CLTCL1: variants seen among roughly 807,000 people sequenced by gnomAD.
The protein encoded by CLTCL1 is clathrin heavy chain like 1.
A neutral mutation model predicts 190.0 loss-of-function variants in CLTCL1; 159 were observed. The ratio of observed to expected loss-of-function variants is 0.84; its 90% CI spans 0.74 to 0.95. The LOEUF (loss-of-function observed/expected upper bound fraction) is 0.95, where lower values mean the gene tolerates loss of function less well. Ranked by LOEUF, CLTCL1 falls within the 40% of genes least tolerant of loss-of-function variation. CLTCL1 has a pLI of 0.00. For synonymous variants in CLTCL1, 752 were observed against 769.6 expected (o/e 0.98, Z 0.38); for missense variants, 1,878 against 2,033.4 (o/e 0.92, Z 1.47).
At chr22:19,267,528 T>A (rs925299067) in intron 2 of CLTCL1, among the ~76,000 whole-genome samples, 14 of 152,154 alleles carry the variant, frequency 9.2e-5, no homozygotes, top group African/African-American at 3.4e-4. Context: ...AAACACTAAG[T>A]TGGAGTACCA....
chr22:19,269,603 C>A (rs557673348), intron 2 of CLTCL1, among the ~76,000 whole-genome samples: 113 of 152,200 alleles, frequency 7.4e-4, no homozygotes, highest in African/African-American at 2.3e-3. Flanking sequence ...TATGCAGCCA[C>A]AAAAAGAAAT....
At chr22:19,201,160 C>A (rs1555938985) in intron 23 of CLTCL1, among the ~76,000 whole-genome samples, 169 bp downstream of exon 23, 1 of 152,244 alleles carries the variant, frequency 6.6e-6, no homozygotes, top group Non-Finnish European at 1.5e-5. Flanking sequence ...TTCTCTGGGG[C>A]CTCTGTTCCA....
At chr22:19,187,526 A>T (rs1555928892) in intron 29 of CLTCL1, 32 bp downstream of exon 29, 2 of 1,593,338 alleles carry the variant, frequency 1.3e-6, no homozygotes, top group Non-Finnish European at 1.7e-6. Context: ...CCAAGGCAGG[A>T]AGGTGGGAGG....
intron 17 of CLTCL1, among the ~76,000 whole-genome samples, chr22:19,220,306 A>T (rs879980545): frequency 6.6e-6 from 1 of 152,206 alleles, no homozygotes; most frequent in Non-Finnish European, 1.5e-5. Flanking sequence ...TGTCTGATAC[A>T]GCCACTAGCC....
At position 19,234,649 on chromosome 22, in the gene CLTCL1, G is replaced by C; in HGVS notation, c.1027C>G (p.Gln343Glu). Residue 343 changes from glutamine (Q) to glutamate (E), a missense_variant, in exon 7 of 33, where the codon CAG becomes GAG. Coordinates refer to ENST00000427926, the MANE Select transcript of CLTCL1 (RefSeq NM_007098.4). The part of the protein sequence containing the change: ...NIVNYATNVL[Q>E]NPDLGLRLAV... The stretch of plus-strand genomic sequence containing the variant: ...AAACGCAGACCAAGGTCTGGATTCT[G>C]AAGCACGTTGGTTGCATAATTCACA... 6.2e-7 allele frequency: 1 copy of C among 1,614,036 alleles called. No homozygotes were observed. The highest frequency in any genetic ancestry group is 8.5e-7 in the Non-Finnish European group (1 of 1,179,890).
At chr22:19,285,147 T>C (rs1414685439) in intron 1 of CLTCL1, among the ~76,000 whole-genome samples, 1 of 150,572 alleles carries the variant, frequency 6.6e-6, no homozygotes, top group East Asian at 2.0e-4. Context: ...TGGTGGTGGG[T>C]GCCTGTAGTC....
chr22:19,184,803 C>T (rs1264995788), intron 29 of CLTCL1: 1 of 338,568 alleles, frequency 3.0e-6, no homozygotes, highest in South Asian at 2.2e-5. Context: ...GTGTCCCGCT[C>T]CTGCGGCCTG....
At chr22:19,189,103 C>T (rs2084409251) in intron 27 of CLTCL1, among the ~76,000 whole-genome samples, 1 of 152,170 alleles carries the variant, frequency 6.6e-6, no homozygotes, top group African/African-American at 2.4e-5. Flanking sequence ...CAGAGTTTCA[C>T]CACGTTGGTC....
intron 5 of CLTCL1, chr22:19,238,715 A>G (rs2086157644): frequency 6.5e-6 from 1 of 153,956 alleles, no homozygotes; most frequent in African/African-American, 2.4e-5. Flanking sequence ...GCTTGGGACT[A>G]CCTAGTTTCA....
intron 1 of CLTCL1, among the ~76,000 whole-genome samples, chr22:19,280,978 G>A (rs1031283126): frequency 6.6e-6 from 1 of 151,694 alleles, no homozygotes; most frequent in Non-Finnish European, 1.5e-5. Flanking sequence ...CAGGTATGGA[G>A]CACCCATTTT....
At chr22:19,232,305 A>G (rs2085940469) in intron 10 of CLTCL1, among the ~76,000 whole-genome samples, 171 bp downstream of exon 10, 1 of 152,240 alleles carries the variant, frequency 6.6e-6, no homozygotes, top group Admixed American at 6.5e-5. Context: ...GAGTACTCAC[A>G]TAGTAAAGAC....
chr22:19,287,829 T>C (rs2087961618), intron 1 of CLTCL1, among the ~76,000 whole-genome samples: 1 of 152,138 alleles, frequency 6.6e-6, no homozygotes, highest in South Asian at 2.1e-4. Flanking sequence ...ATGAACACTG[T>C]GTTTGAGGAA....
At chr22:19,180,063 G>A in intron 32 of CLTCL1, 94 bp from the exon 33 acceptor site, 1 of 731,220 alleles carries the variant, frequency 1.4e-6, no homozygotes, top group Non-Finnish European at 2.3e-6. Context: ...CCAGGGAGCA[G>A]GGTCTATAGG....
intron 1 of CLTCL1, among the ~76,000 whole-genome samples, chr22:19,276,834 T>TA (rs1157884597): frequency 2.0e-5 from 3 of 152,162 alleles, no homozygotes; most frequent in South Asian, 2.1e-4. Context: ...CACGCCTGGC[T>TA]ATTTTTTGTA....
chr22:19,207,965 A>C (rs1328427419), intron 22 of CLTCL1, 189 bp downstream of exon 22: 1 of 709,678 alleles, frequency 1.4e-6, no homozygotes, highest in African/African-American at 1.7e-5. Flanking sequence ...TGATAACAGT[A>C]GAAATAAAGT....
intron 2 of CLTCL1, among the ~76,000 whole-genome samples, chr22:19,265,842 T>C (rs1601692995): frequency 6.6e-6 from 1 of 151,808 alleles, no homozygotes; most frequent in Admixed American, 6.6e-5. Context: ...AGAAGTAGGG[T>C]TTTTCAAAAC....
intron 26 of CLTCL1, among the ~76,000 whole-genome samples, chr22:19,193,076 C>T (rs1456785111): frequency 1.3e-5 from 2 of 152,216 alleles, no homozygotes; most frequent in African/African-American, 2.4e-5. Context: ...CCTGCTTCCC[C>T]ACCAACCACA....
At chr22:19,206,285 GCCCCGATCACAGCTCA>G (rs1450847432) in intron 22 of CLTCL1, among the ~76,000 whole-genome samples, 6 of 152,066 alleles carry the variant, frequency 3.9e-5, no homozygotes, top group African/African-American at 1.2e-4. Context: ...GGAGTGCAGT[GCCCCGATCACAGCTCA>G]CCCCGATCAC....
chr22:19,196,711 A>C, intron 24 of CLTCL1, 55 bp from the exon 25 acceptor site: 1 of 1,562,756 alleles, frequency 6.4e-7, no homozygotes. Context: ...TCCTGCAGCC[A>C]CCCTCCAGCC....
Sources: gnomAD v4.1 joint callset for allele counts (sites outside exome capture counted in the v4.1 genomes callset) on GRCh38, gnomAD v4.1.1 for gene constraint, MANE v1.5 for transcripts, NCBI Gene and HGNC (gene_info 2026-07-23, HGNC 2026-07-21) for gene names.